The following PRKCH variants were observed in gnomAD, a reference collection of about 807,000 sequenced individuals.
PRKCH encodes protein kinase C eta type.
In PRKCH, 28 loss-of-function variants were observed where a neutral mutation model predicts 82.5. The ratio of observed to expected loss-of-function variants is 0.34; its 90% CI spans 0.25 to 0.47. The LOEUF (loss-of-function observed/expected upper bound fraction) is 0.47. Ranked by LOEUF, PRKCH falls within the 20% of genes least tolerant of loss-of-function variation. PRKCH has a pLI of 1.00. For synonymous variants in PRKCH, 322 were observed against 327.4 expected, an observed-to-expected ratio of 0.98 and a Z score of 0.18; for missense variants, 705 against 881.8, an observed-to-expected ratio of 0.80 and a Z score of 2.54.
At chr14:61,500,394 C>T (rs939154585) in intron 10 of PRKCH, among the ~76,000 whole-genome samples, 4 of 151,812 alleles carry the variant, frequency 2.6e-5, no homozygotes, top group Non-Finnish European at 4.4e-5. Context: ...GATGGGGTCT[C>T]GCTATGTTGC....
intron 2 of PRKCH, among the ~76,000 whole-genome samples, chr14:61,433,174 A>C (rs969033667): frequency 6.6e-6 from 1 of 152,210 alleles, no homozygotes; most frequent in African/African-American, 2.4e-5. Context: ...GCAACAGTAC[A>C]GCAGTTTTAA....
At chr14:61,268,846 T>C (rs983093733) in intron 1 of PRKCH, among the ~76,000 whole-genome samples, 4 of 152,218 alleles carry the variant, frequency 2.6e-5, no homozygotes, top group Non-Finnish European at 5.9e-5. Flanking sequence ...CTGGAAAGAC[T>C]CTGGAGGCTT....
chr14:61,470,932 C>T (rs187230400), intron 9 of PRKCH, among the ~76,000 whole-genome samples: 1 of 151,984 alleles, frequency 6.6e-6, no homozygotes, highest in Non-Finnish European at 1.5e-5. Context: ...TCTTCTGGCT[C>T]CTCACTCCCC....
intron 10 of PRKCH, among the ~76,000 whole-genome samples, chr14:61,505,395 CTTTTTTTTTTTTTTT>C (rs60304150): frequency 1.1e-4 from 6 of 55,766 alleles, no homozygotes; most frequent in East Asian, 1.6e-3. Flanking sequence ...CTTTTCTTTT[CTTTTTTTTTTTTTTT>C]TTTTTTTTTT....
intron 9 of PRKCH, among the ~76,000 whole-genome samples, chr14:61,474,578 G>T (rs1202085827): frequency 2.6e-5 from 4 of 152,058 alleles, no homozygotes; most frequent in Non-Finnish European, 5.9e-5. Flanking sequence ...CTGGGGGAGG[G>T]ATAGCATTAG....
chr14:61,432,928 G>GC (rs1306096446), intron 2 of PRKCH, among the ~76,000 whole-genome samples: 3 of 148,756 alleles, frequency 2.0e-5, no homozygotes, highest in Non-Finnish European at 4.5e-5. Flanking sequence ...AAAAAGTGGG[G>GC]GGGATACATG....
chr14:61,448,840 C>A (rs190632084), intron 4 of PRKCH, among the ~76,000 whole-genome samples: 1 of 152,110 alleles, frequency 6.6e-6, no homozygotes, highest in Non-Finnish European at 1.5e-5. Flanking sequence ...CTTTGTTGAT[C>A]GGCAGTGAAT....
At chr14:61,450,688 C>A (rs1264504197) in intron 5 of PRKCH, among the ~76,000 whole-genome samples, 154 bp from the exon 6 acceptor site, 1 of 152,162 alleles carries the variant, frequency 6.6e-6, no homozygotes, top group African/African-American at 2.4e-5. Flanking sequence ...GTTCGTAAGA[C>A]CTGAGTAATT....
intron 10 of PRKCH, among the ~76,000 whole-genome samples, chr14:61,515,652 A>C (rs1724638959): frequency 6.6e-6 from 1 of 152,140 alleles, no homozygotes; most frequent in African/African-American, 2.4e-5. Context: ...ATGTCACTGT[A>C]TGACCCATCT....
At chr14:61,472,740 A>G (rs918391036) in intron 9 of PRKCH, among the ~76,000 whole-genome samples, 8 of 152,256 alleles carry the variant, frequency 5.3e-5, no homozygotes, top group Non-Finnish European at 1.0e-4. Context: ...AACAAAAAGT[A>G]GAACCTTAAA....
At chr14:61,460,165 ATAATAT>A (rs1884964336) in intron 9 of PRKCH, among the ~76,000 whole-genome samples, 2 of 152,322 alleles carry the variant, frequency 1.3e-5, no homozygotes, top group Admixed American at 6.5e-5. Flanking sequence ...TTTTTAAGAC[ATAATAT>A]TAATAGTATA....
At chr14:61,216,774 T>C (rs954659642) in intron 1 of PRKCH, among the ~76,000 whole-genome samples, 2 of 152,246 alleles carry the variant, frequency 1.3e-5, no homozygotes, top group African/African-American at 4.8e-5. Flanking sequence ...TTTCAGTTAC[T>C]CTGTGTAGCC....
intron 1 of PRKCH, among the ~76,000 whole-genome samples, chr14:61,288,346 C>T (rs1291282633): frequency 6.6e-6 from 1 of 152,180 alleles, no homozygotes; most frequent in Admixed American, 6.5e-5. Context: ...CCTCCTGCCT[C>T]AGCCTCTCAA....
chr14:61,373,838 A>G (rs144527426), intron 1 of PRKCH, among the ~76,000 whole-genome samples: 3,105 of 152,124 alleles, frequency 0.02, 143 homozygotes, highest in African/African-American at 0.071. Flanking sequence ...TCTGACCTCA[A>G]GTGATCTGCC....
chr14:61,364,987 G>C (rs1295853399), intron 1 of PRKCH, among the ~76,000 whole-genome samples: 1 of 152,074 alleles, frequency 6.6e-6, no homozygotes, highest in Non-Finnish European at 1.5e-5. Context: ...GTAGGGTGAT[G>C]TAGTCTCCAA....
rs529437097 is a variant in PRKCH at position 61,431,001 on chromosome 14, G to A, written c.428-12110G>A. Among the ~76,000 whole-genome samples, 380 of 152,272 alleles carry A rather than the reference G, an allele frequency of 2.5e-3. 1 individual carries two copies. Among genetic ancestry groups the A allele is most frequent in the Admixed American group, 5.1e-3 (78 of 15,290 alleles). On this transcript the variant is annotated intron_variant, in intron 2 of 13. Coordinates refer to ENST00000332981, the MANE Select transcript of PRKCH (RefSeq NM_006255.5). The stretch of plus-strand genomic sequence containing the variant: ...GATCTCCTGACCTCGCGATCCGCCC[G>A]CCTCGGCCTCCCAAAATGCTGGGAT...
intron 2 of PRKCH, among the ~76,000 whole-genome samples, chr14:61,432,067 CTTT>C (rs59238281): frequency 2.0e-3 from 292 of 143,668 alleles, no homozygotes; most frequent in African/African-American, 3.1e-3. Flanking sequence ...ATCTCTCTCT[CTTT>C]TTTTTTTTTT....
At chr14:61,454,016 A>G (rs1884642908) in intron 7 of PRKCH, among the ~76,000 whole-genome samples, 1 of 152,152 alleles carries the variant, frequency 6.6e-6, no homozygotes, top group South Asian at 2.1e-4. Context: ...ATACAGTTAT[A>G]TGACAAGAAA....
intron 10 of PRKCH, among the ~76,000 whole-genome samples, chr14:61,512,409 A>C (rs548581178): frequency 7.9e-5 from 12 of 152,134 alleles, no homozygotes; most frequent in Non-Finnish European, 1.5e-4. Flanking sequence ...TCTGGAAAAA[A>C]TGCAGAGGGA....
Sources: gnomAD v4.1 joint callset for allele counts (sites outside exome capture counted in the v4.1 genomes callset) on GRCh38, gnomAD v4.1.1 for gene constraint, MANE v1.5 for transcripts, NCBI Gene and HGNC (gene_info 2026-07-23, HGNC 2026-07-21) for gene names.